Variants in BLOC1S3 observed in about 807,000 individuals in gnomAD.
The protein encoded by BLOC1S3 is biogenesis of lysosome-related organelles complex 1 subunit 3.
In BLOC1S3, 7 loss-of-function variants were observed where a neutral mutation model predicts 9.1. That is an observed-to-expected ratio of 0.77 (90% CI 0.44 to 1.45). BLOC1S3 has a LOEUF of 1.45. Ranked by LOEUF, BLOC1S3 falls within the 40% of genes most tolerant of loss-of-function variation. The probability of loss-of-function intolerance (pLI) is 0.01; values close to 1 mark genes in which losing one functional copy is unlikely to be tolerated. For missense variants in BLOC1S3, 307 were observed against 315.2 expected (o/e 0.97, Z 0.20); for synonymous variants, 145 against 158.4 (o/e 0.92, Z 0.64).
At chr19:45,210,289 CTTTTTTTTTTT>C (rs71173125) in intron 3 of BLOC1S3, among the ~76,000 whole-genome samples, 1 of 74,422 alleles carries the variant, frequency 1.3e-5, no homozygotes, top group African/African-American at 5.4e-5. Flanking sequence ...ACTATTTTAA[CTTTTTTTTTTT>C]TTTTTTTTTT....
chr19:45,179,352 CG>C lies in BLOC1S3; in HGVS notation c.61del (p.Glu21ArgfsTer108), dbSNP rs1568469596. The C allele has an allele frequency of 1.3e-6, 2 of 1,586,072 alleles. No individual in the cohort carries two copies. ...CTGCGGAGGCCGGAGACGGTGGTGC[CG>C]GGGGAGGCGACCGAGACGGATTCCG... ...RPLRRPETVVPGEATETDSER... is the reference protein window; with the variant it reads ...RPLRRPETVVXGEATETDSER... On this transcript the variant is annotated frameshift_variant, in exon 2 of 2. Coordinates refer to ENST00000433642, the MANE Select transcript of BLOC1S3 (RefSeq NM_212550.5). LOFTEE classifies it high-confidence loss of function. This position sits in a 1 kb window ranked among gnomAD's most constrained non-coding sequence, Gnocchi z 4.6.
chr19:45,190,959 C>A (rs920220131), intron 2 of BLOC1S3, among the ~76,000 whole-genome samples: 1 of 150,320 alleles, frequency 6.7e-6, no homozygotes, highest in African/African-American at 2.4e-5. Flanking sequence ...GCACCCGACA[C>A]CACGCCCGGC....
downstream of BLOC1S3, among the ~76,000 whole-genome samples, chr19:45,185,343 A>G (rs76133116): frequency 0.072 from 10,999 of 152,170 alleles, 464 homozygotes; most frequent in Non-Finnish European, 0.09. Flanking sequence ...TGTTGAATGA[A>G]TGAATGGCCT....
Position 45,179,670 on chromosome 19 carries a change from C to A in BLOC1S3, c.374C>A (p.Ala125Glu), listed in dbSNP as rs1231761799. The A allele has an allele frequency of 6.8e-7, 1 of 1,465,948 alleles. No homozygotes were observed. The highest frequency in any genetic ancestry group is 2.2e-4 in the Middle Eastern group (1 of 4,516). 90.8% of individuals were successfully genotyped at this position (1,465,948 alleles called of 1,614,324 possible). A position where few individuals can be genotyped will look rare whatever the true frequency, so the allele number is the denominator to read the frequency against. ...CAGGCGCGGCTGGACCACGACGTGG[C>A]GGCCGCCGTGAGCGGTGTCTACCGC... is the stretch of plus-strand genomic sequence containing the variant. ...ESQARLDHDV[A>E]AAVSGVYRRA... The change falls in exon 2 of 2, where the codon GCG (alanine) becomes GAG (glutamate). Residue 125 changes from alanine to glutamate, a missense_variant. Transcript: ENST00000433642. This position sits in a 1 kb window ranked among gnomAD's most constrained non-coding sequence, Gnocchi z 4.6.
intron 2 of BLOC1S3, among the ~76,000 whole-genome samples, chr19:45,191,048 GC>G (rs1443877033): frequency 6.6e-6 from 1 of 151,106 alleles, no homozygotes; most frequent in African/African-American, 2.4e-5. Context: ...CTCACGATCC[GC>G]CCGCCTCGGC....
chr19:45,179,999 C>T lies in BLOC1S3; in HGVS notation c.*94C>T, dbSNP rs928621630. On this transcript the variant is annotated 3_prime_UTR_variant, in exon 2 of 2. Transcript: ENST00000433642. The surrounding 1 kb of genome is among the most constrained non-coding windows in gnomAD (Gnocchi z 4.6). ...GTCTCCTGTGTCTCTTATCACCCCCCACCCCCGCTCCCATCTTGGTGTCAC... is the reference window on the plus strand; with the variant it reads ...GTCTCCTGTGTCTCTTATCACCCCCTACCCCCGCTCCCATCTTGGTGTCAC... The T allele has an allele frequency of 2.2e-5, 32 of 1,426,942 alleles. No individual in the cohort carries two copies. In the African/African-American group the frequency reaches 3.4e-4, roughly 15 times the overall value. 88.4% of individuals were successfully genotyped at this position (1,426,942 alleles called of 1,614,324 possible).
In BLOC1S3 at chr19:45,180,821, A is replaced by G; in HGVS notation, c.*916A>G. 1 of 161,672 alleles carries G rather than the reference A, an allele frequency of 6.2e-6. No homozygotes were observed. The highest frequency in any genetic ancestry group is 2.1e-4 in the South Asian group (1 of 4,840). The allele number at this position is 161,672 out of a possible 1,614,324, so 10.0% of individuals were successfully genotyped here. On this transcript the variant is annotated 3_prime_UTR_variant, in exon 2 of 2. Coordinates refer to ENST00000433642, the MANE Select transcript of BLOC1S3 (RefSeq NM_212550.5). Reference sequence around the variant, plus strand: ...GGCTCACTGCCACCTCCACCTCCCGAGTTCAAGCGATTCTCCTGCCTCAGC... The same window carrying G: ...GGCTCACTGCCACCTCCACCTCCCGGGTTCAAGCGATTCTCCTGCCTCAGC...
intron 2 of BLOC1S3, among the ~76,000 whole-genome samples, chr19:45,191,391 T>G (rs976241538): frequency 7.2e-5 from 11 of 151,948 alleles, no homozygotes; most frequent in Non-Finnish European, 1.3e-4. Flanking sequence ...AAAGTGCTGG[T>G]ATTACAGGCA....
At chr19:45,210,752 C>A (rs1969763359) in intron 3 of BLOC1S3, among the ~76,000 whole-genome samples, 1 of 152,188 alleles carries the variant, frequency 6.6e-6, no homozygotes, top group Non-Finnish European at 1.5e-5. Context: ...AGCCACTGTG[C>A]CCAGCCAAAA....
At chr19:45,197,412 G>A (rs556481312) in intron 2 of BLOC1S3, among the ~76,000 whole-genome samples, 3 of 151,118 alleles carry the variant, frequency 2.0e-5, no homozygotes, top group East Asian at 2.0e-4. Context: ...ACTTGAACCC[G>A]GGAGGTGGAG....
At chr19:45,213,092 C>T in intron 3 of BLOC1S3, 1 of 1,520,738 alleles carries the variant, frequency 6.6e-7, no homozygotes, top group Admixed American at 2.4e-5. Flanking sequence ...CGAGGTCGCG[C>T]TAGAGACGGA....
At chr19:45,216,588 G>T (rs1969837723) in intron 3 of BLOC1S3, 1 of 153,324 alleles carries the variant, frequency 6.5e-6, no homozygotes, top group Non-Finnish European at 1.5e-5. Context: ...CAAAAATAAA[G>T]AATAAAAATA....
At chr19:45,184,903 C>CAAACAAAAAAAAAAAAAAAAAA (rs1334862577), downstream of BLOC1S3, among the ~76,000 whole-genome samples, 1 of 48,278 alleles carries the variant, frequency 2.1e-5, no homozygotes, top group African/African-American at 7.1e-5. Context: ...CTGTCTCAAA[C>CAAACAAAAAAAAAAAAAAAAAA]AAAAAAAAAA....
downstream of BLOC1S3, among the ~76,000 whole-genome samples, chr19:45,183,856 C>G (rs1258300448): frequency 6.6e-6 from 1 of 151,786 alleles, no homozygotes; most frequent in Non-Finnish European, 1.5e-5. Flanking sequence ...AGGCTGGTCT[C>G]AAACTCCTGA....
intron 3 of BLOC1S3, chr19:45,216,184 G>A: frequency 6.2e-7 from 1 of 1,613,804 alleles, no homozygotes; most frequent in African/African-American, 1.3e-5. Flanking sequence ...CAGCCACGAG[G>A]CCTGGGACTC....
At chr19:45,213,439 C>T in intron 3 of BLOC1S3, 11 of 1,533,572 alleles carry the variant, frequency 7.2e-6, no homozygotes, top group South Asian at 1.2e-5. Flanking sequence ...CCCACCTGAC[C>T]CCCTCACCTA....
intron 3 of BLOC1S3, chr19:45,216,009 T>G: frequency 6.3e-7 from 1 of 1,596,062 alleles, no homozygotes; most frequent in Non-Finnish European, 8.5e-7. Flanking sequence ...CAGGGACGGA[T>G]GCCAAGGCCG....
chr19:45,210,470 T>C (rs1969760336), intron 3 of BLOC1S3, among the ~76,000 whole-genome samples: 1 of 151,740 alleles, frequency 6.6e-6, no homozygotes, highest in African/African-American at 2.4e-5. Flanking sequence ...GGCTAAGTTT[T>C]GAATTTTTAG....
intron 2 of BLOC1S3, among the ~76,000 whole-genome samples, chr19:45,199,549 C>G (rs570153678): frequency 6.6e-6 from 1 of 151,704 alleles, no homozygotes; most frequent in African/African-American, 2.4e-5. Flanking sequence ...CTCCTGACCT[C>G]GTGATCCGCT....
Sources: gnomAD v4.1 joint callset for allele counts (sites outside exome capture counted in the v4.1 genomes callset) on GRCh38, gnomAD v4.1.1 for gene constraint, Gnocchi (gnomAD v3.1) non-coding constraint, MANE v1.5 for transcripts, NCBI Gene and HGNC (gene_info 2026-07-23, HGNC 2026-07-21) for gene names.